RNF24: variants seen among roughly 807,000 people sequenced by gnomAD.
RNF24 encodes ring finger protein 24.
Under a neutral mutation model 20.0 loss-of-function variants are expected in RNF24, and 14 were observed. The observed-to-expected ratio is 0.70, with a 90% confidence interval of 0.46 to 1.10. The LOEUF is 1.10. Ranked by LOEUF, RNF24 falls within the 50% of genes least tolerant of loss-of-function variation. RNF24 has a pLI of 0.00. For missense variants in RNF24, 124 were observed against 177.6 expected (o/e 0.70, Z 1.71); for synonymous variants, 45 against 61.1 (o/e 0.74, Z 1.23).
At chr20:3,950,363 T>G (rs1370452502) in intron 2 of RNF24, among the ~76,000 whole-genome samples, 1 of 152,178 alleles carries the variant, frequency 6.6e-6, no homozygotes, top group Admixed American at 6.6e-5. Flanking sequence ...GAAGGCCATG[T>G]GAACACAGAG....
intron 2 of RNF24, among the ~76,000 whole-genome samples, chr20:3,950,534 G>C (rs2300219): frequency 6.6e-6 from 1 of 152,136 alleles, no homozygotes; most frequent in African/African-American, 2.4e-5. Context: ...CTTCACAATT[G>C]TAAGAAATTA....
chr20:3,973,500 C>CAAAAAA (rs56824542), intron 1 of RNF24, among the ~76,000 whole-genome samples: 16 of 101,106 alleles, frequency 1.6e-4, no homozygotes, highest in South Asian at 6.7e-4. Context: ...GGAAGAATGA[C>CAAAAAA]AAAAAAAAAA....
intron 1 of RNF24, among the ~76,000 whole-genome samples, chr20:3,996,632 GCCTT>G (rs2147056592): frequency 6.6e-6 from 1 of 152,200 alleles, no homozygotes; most frequent in South Asian, 2.1e-4. Context: ...ACACTTCCTA[GCCTT>G]CCTTGCAGCT....
intron 2 of RNF24, among the ~76,000 whole-genome samples, chr20:3,948,812 T>A (rs2049789025): frequency 6.6e-6 from 1 of 152,184 alleles, no homozygotes; most frequent in Non-Finnish European, 1.5e-5. Flanking sequence ...GATCGTTTGG[T>A]ATATACTCTT....
In RNF24 at chr20:3,951,199, C is replaced by T. The variant is rs574437257; in HGVS notation, c.144-2920G>A. Reference sequence around the variant, plus strand: ...GTCTCAATCTCCTGACCTCGTTATCCGCCTGCCTTGGCCTCCCAAAGTGCT... The same window carrying T: ...GTCTCAATCTCCTGACCTCGTTATCTGCCTGCCTTGGCCTCCCAAAGTGCT... On this transcript the variant is annotated intron_variant, in intron 2 of 5. Coordinates refer to ENST00000358395, the MANE Select transcript of RNF24 (RefSeq NM_001134337.3). Among the ~76,000 whole-genome samples, 10 of 152,280 alleles carry T rather than the reference C, an allele frequency of 6.6e-5. No individual in the cohort carries two copies. In the East Asian group the frequency reaches 1.5e-3, roughly 23 times the overall value.
Position 3,942,630 on chromosome 20 carries a change from G to A in RNF24, c.228+2547C>T, listed in dbSNP as rs565632342. 3.7e-3 allele frequency among the ~76,000 whole-genome samples: 557 copies of A among 151,870 alleles called. 5 individuals are homozygous for A. Among genetic ancestry groups the A allele is most frequent in the African/African-American group, 0.013 (518 of 41,412 alleles). ...TGGGACTACAGGCACCCACCACCAC[G>A]CCCGGCTAATTTTTTTGTATTTTTA... is the stretch of plus-strand genomic sequence containing the variant. On this transcript the variant is annotated intron_variant, in intron 4 of 5. Transcript: ENST00000358395.
chr20:3,970,283 T>A (rs1388663443), intron 1 of RNF24, among the ~76,000 whole-genome samples: 1 of 152,168 alleles, frequency 6.6e-6, no homozygotes, highest in African/African-American at 2.4e-5. Context: ...ATAGGGAACC[T>A]GGACTTCTAC....
intron 1 of RNF24, among the ~76,000 whole-genome samples, chr20:3,973,551 A>T (rs538814711): frequency 6.6e-6 from 1 of 151,760 alleles, no homozygotes; most frequent in Non-Finnish European, 1.5e-5. Flanking sequence ...ACCTATATCA[A>T]CAATTAAATA....
In RNF24 at chr20:3,932,701, TGAC is replaced by T. The variant is rs2090839010; in HGVS notation, c.*1359_*1361del. On this transcript the variant is annotated 3_prime_UTR_variant, in exon 6 of 6. Coordinates refer to ENST00000358395, the MANE Select transcript of RNF24 (RefSeq NM_001134337.3). ...GTGGGATGGAGTGGAGCAAAGCAGT[TGAC>T]GAGGAATTGAGGCAGGCGCTCCTAA... The T allele has an allele frequency of 2.6e-6, 1 of 388,174 alleles. No homozygotes were observed. The highest frequency in any genetic ancestry group is 4.5e-6 in the Non-Finnish European group (1 of 220,130). The allele number at this position is 388,174 out of a possible 1,614,324, so 24.0% of individuals were successfully genotyped here. A position where few individuals can be genotyped will look rare whatever the true frequency, so the allele number is the denominator to read the frequency against.
chr20:3,945,295 T>C (rs775555589), intron 3 of RNF24, 77 bp from the exon 4 acceptor site: 6 of 1,402,998 alleles, frequency 4.3e-6, no homozygotes, highest in South Asian at 4.0e-5. Context: ...TTCTCAAATA[T>C]TTTTCTTTTG....
Position 3,950,159 on chromosome 20 carries a change from T to A in RNF24, c.144-1880A>T, listed in dbSNP as rs192961292. Among the ~76,000 whole-genome samples, 977 of 151,578 alleles carry A rather than the reference T, an allele frequency of 6.4e-3. 9 individuals are homozygous for A. Among genetic ancestry groups the A allele is most frequent in the Middle Eastern group, 0.055 (16 of 292 alleles). The stretch of plus-strand genomic sequence containing the variant: ...GGTCTATTTGCCTATCCTTGTATAG[T>A]GATGAATGTGTCCGCCTCAGCTCCC... On this transcript the variant is annotated intron_variant, in intron 2 of 5. Coordinates refer to ENST00000358395, the MANE Select transcript of RNF24 (RefSeq NM_001134337.3).
intron 2 of RNF24, among the ~76,000 whole-genome samples, chr20:3,954,129 A>G (rs2091114638): frequency 6.6e-6 from 1 of 152,130 alleles, no homozygotes; most frequent in Non-Finnish European, 1.5e-5. Flanking sequence ...CAAGTATACA[A>G]TTCAGTGGTA....
intron 1 of RNF24, among the ~76,000 whole-genome samples, chr20:3,987,257 A>G (rs1980011147): frequency 1.3e-5 from 2 of 152,224 alleles, no homozygotes; most frequent in Non-Finnish European, 2.9e-5. Flanking sequence ...AAATACTCTC[A>G]GGTTGAAATT....
At chr20:3,993,788 C>G (rs1032203479) in intron 1 of RNF24, among the ~76,000 whole-genome samples, 1 of 152,162 alleles carries the variant, frequency 6.6e-6, no homozygotes, top group East Asian at 1.9e-4. Context: ...GAAAGGCCCA[C>G]ACCATAATTT....
intron 2 of RNF24, among the ~76,000 whole-genome samples, chr20:3,949,877 A>G (rs755479233): frequency 3.9e-5 from 6 of 152,174 alleles, no homozygotes; most frequent in Non-Finnish European, 7.3e-5. Context: ...AAAACTATGA[A>G]GATATTCTCC....
chr20:4,007,107 T>C (rs934928150), intron 1 of RNF24, among the ~76,000 whole-genome samples: 2 of 152,202 alleles, frequency 1.3e-5, no homozygotes, highest in Non-Finnish European at 2.9e-5. Flanking sequence ...GTCAATTACT[T>C]CAAGAAACAG....
At chr20:3,943,849 C>T (rs954957404) in intron 4 of RNF24, among the ~76,000 whole-genome samples, 3 of 152,130 alleles carry the variant, frequency 2.0e-5, no homozygotes, top group East Asian at 1.9e-4. Flanking sequence ...AAATGGGAAA[C>T]AGACCACTTT....
chr20:4,003,172 T>C (rs1244614606), intron 1 of RNF24, among the ~76,000 whole-genome samples: 3 of 152,146 alleles, frequency 2.0e-5, no homozygotes, highest in Non-Finnish European at 2.9e-5. Flanking sequence ...GGTTTCACCA[T>C]CTGGGACAGG....
intron 1 of RNF24, among the ~76,000 whole-genome samples, chr20:3,980,575 A>C (rs951804157): frequency 6.6e-6 from 1 of 152,224 alleles, no homozygotes; most frequent in African/African-American, 2.4e-5. Context: ...TGAGTAACTG[A>C]AACTGCAGAA....
Sources: allele counts gnomAD v4.1 joint callset (sites outside exome capture counted in the v4.1 genomes callset), GRCh38; gene constraint gnomAD v4.1.1; transcripts MANE v1.5; gene names NCBI Gene and HGNC (gene_info 2026-07-23, HGNC 2026-07-21).